PARN: variants seen among roughly 807,000 people sequenced by gnomAD.
PARN encodes the protein poly(A)-specific ribonuclease PARN.
PARN carries 71 observed loss-of-function variants against 102.8 expected under a neutral mutation model. That is an observed-to-expected ratio of 0.69 (90% confidence interval 0.57 to 0.84). PARN has a LOEUF of 0.84. Among genes scored for constraint, PARN ranks in the 40% least tolerant of loss-of-function variants. PARN has a pLI of 0.00. For missense variants in PARN, 782 were observed against 760.9 expected, an observed-to-expected ratio of 1.03 and a Z score of -0.33; for synonymous variants, 261 against 252.9, an observed-to-expected ratio of 1.03 and a Z score of -0.30.
At chr16:14,612,179 C>A (rs1427824894) in intron 6 of PARN, among the ~76,000 whole-genome samples, 1 of 152,120 alleles carries the variant, frequency 6.6e-6, no homozygotes, top group Non-Finnish European at 1.5e-5. Context: ...TGGCTCACGC[C>A]TATAATCCAA....
intron 22 of PARN, among the ~76,000 whole-genome samples, chr16:14,481,637 AT>A (rs1322477006): frequency 5.3e-5 from 8 of 152,278 alleles, no homozygotes; most frequent in African/African-American, 1.7e-4. Flanking sequence ...TCATACCTCA[AT>A]TTTTTTAATC....
chr16:14,499,903 G>A (rs1373084018), intron 21 of PARN, among the ~76,000 whole-genome samples: 1 of 152,160 alleles, frequency 6.6e-6, no homozygotes, highest in African/African-American at 2.4e-5. Context: ...ATTATCACAT[G>A]CCAAAGTATT....
chr16:14,555,761 G>T, intron 18 of PARN, 52 bp from the exon 19 acceptor site: 1 of 894,206 alleles, frequency 1.1e-6, no homozygotes, highest in Non-Finnish European at 1.6e-6. Context: ...TAAAAGACAG[G>T]CATTTTGCAT....
At chr16:14,441,656 T>C (rs1483930226) in intron 23 of PARN, among the ~76,000 whole-genome samples, 1 of 152,232 alleles carries the variant, frequency 6.6e-6, no homozygotes, top group Non-Finnish European at 1.5e-5. Context: ...AGGGCACAAA[T>C]GCGCACTGAG....
At chr16:14,589,860 C>T (rs1467006267) in intron 13 of PARN, among the ~76,000 whole-genome samples, 1 of 150,986 alleles carries the variant, frequency 6.6e-6, no homozygotes, top group Non-Finnish European at 1.5e-5. Flanking sequence ...GAGTAAGACT[C>T]CATCTCAAAA....
At chr16:14,548,902 C>T (rs958377808) in intron 21 of PARN, among the ~76,000 whole-genome samples, 1 of 149,376 alleles carries the variant, frequency 6.7e-6, no homozygotes, top group African/African-American at 2.5e-5. Flanking sequence ...TGCAGTGAGT[C>T]GAGTTTGTGC....
chr16:14,566,228 G>A (rs1432871239), intron 18 of PARN, among the ~76,000 whole-genome samples: 1 of 152,172 alleles, frequency 6.6e-6, no homozygotes, highest in African/African-American at 2.4e-5. Context: ...GATAATATCT[G>A]GGATTGATGA....
At chr16:14,536,810 A>T (rs1163437542) in intron 21 of PARN, among the ~76,000 whole-genome samples, 1 of 152,224 alleles carries the variant, frequency 6.6e-6, no homozygotes, top group Non-Finnish European at 1.5e-5. Context: ...AGTATTAAAA[A>T]TGTTAAACAT....
At chr16:14,627,684 T>A (rs1000579163) in intron 3 of PARN, among the ~76,000 whole-genome samples, 16 of 152,230 alleles carry the variant, frequency 1.1e-4, no homozygotes, top group African/African-American at 3.9e-4. Flanking sequence ...CTGTTTTAAA[T>A]ATCATTAAAA....
intron 18 of PARN, chr16:14,578,640 G>A (rs148512220): frequency 2.1e-4 from 32 of 151,170 alleles, no homozygotes; most frequent in African/African-American, 7.8e-4. Flanking sequence ...TGGGCAACAA[G>A]AGTGAAACAA....
Position 14,446,902 on chromosome 16 carries a change from T to G in PARN, c.1850A>C (p.Glu617Ala), listed in dbSNP as rs1340012887. The G allele has an allele frequency of 6.2e-7, 1 of 1,612,438 alleles. No individual in the cohort carries two copies. The highest frequency in any genetic ancestry group is 1.7e-5 in the Admixed American group (1 of 59,822). ...KAKKLKRMKKELSPAGSISKN... is the reference protein window; with the variant it reads ...KAKKLKRMKKALSPAGSISKN... The stretch of plus-strand genomic sequence containing the variant: ...CCAATACAAACCTGCTGGAGAAAGC[T>G]CCTTCTTCATTCTTTTTAATTTCTT... The change falls in exon 23 of 24, where the codon GAG becomes GCG. Residue 617 changes from glutamate to alanine, a missense_variant. Glu to Ala is a moderately radical substitution (Grantham distance 107, BLOSUM62 -1). Coordinates refer to ENST00000437198, the MANE Select transcript of PARN (RefSeq NM_002582.4).
chr16:14,593,492 TAAAAAAAAAA>T (rs35329440), intron 12 of PARN, 114 bp from the exon 13 acceptor site: 921 of 31,846 alleles, frequency 0.029, 8 homozygotes, highest in Admixed American at 0.065. Context: ...TTTCCAGACT[TAAAAAAAAAA>T]AAAAAAAAAA....
chr16:14,585,439 G>C (rs1969792437), intron 14 of PARN, among the ~76,000 whole-genome samples: 1 of 145,680 alleles, frequency 6.9e-6, no homozygotes, highest in Non-Finnish European at 1.5e-5. Context: ...AGCTGAAAGA[G>C]AAACTGCTCG....
At chr16:14,488,193 A>G (rs1484124370) in intron 21 of PARN, among the ~76,000 whole-genome samples, 2 of 151,926 alleles carry the variant, frequency 1.3e-5, no homozygotes, top group Non-Finnish European at 2.9e-5. Context: ...ATGGGGGGGA[A>G]AAAAAAAGAA....
At chr16:14,489,734 T>G (rs184653440) in intron 21 of PARN, among the ~76,000 whole-genome samples, 21 of 152,320 alleles carry the variant, frequency 1.4e-4, no homozygotes, top group Admixed American at 2.6e-4. Context: ...AGCAACTGTT[T>G]GTGGGTGGGG....
At chr16:14,597,096 C>G (rs1033687510) in intron 12 of PARN, among the ~76,000 whole-genome samples, 2 of 151,808 alleles carry the variant, frequency 1.3e-5, no homozygotes, top group Non-Finnish European at 2.9e-5. Context: ...CCATTTTTTT[C>G]TTTATAGAAG....
At position 14,604,179 on chromosome 16, in the gene PARN, T is replaced by C; in HGVS notation, c.750A>G (p.Lys250=). The C allele has an allele frequency of 2.5e-6, 4 of 1,602,642 alleles. No homozygotes were observed. Among genetic ancestry groups the C allele is most frequent in the Non-Finnish European group, 2.6e-6 (3 of 1,173,110 alleles). Residue 250 remains lysine (K), a synonymous_variant, in exon 11 of 24, where the codon AAA becomes AAG. Transcript: ENST00000437198. The stretch of plus-strand genomic sequence containing the variant: ...TGGCATGTTTCTGCTGCTCTCTTCT[T>C]TTGCGTTCTTCTTCATCTACTTTGC... The part of the protein sequence containing the change: ...VISKVDEEER[K]RREQQKHAKE...
chr16:14,450,518 A>G (rs1278959518), intron 22 of PARN, among the ~76,000 whole-genome samples: 1 of 152,134 alleles, frequency 6.6e-6, no homozygotes, highest in African/African-American at 2.4e-5. Context: ...ATATTTATGT[A>G]TACACACACA....
chr16:14,531,775 T>A (rs1486726929), intron 21 of PARN, among the ~76,000 whole-genome samples: 2 of 152,166 alleles, frequency 1.3e-5, no homozygotes. Flanking sequence ...GTTGACCAAC[T>A]TCGTACTCAA....
Sources: allele counts gnomAD v4.1 joint callset (sites outside exome capture counted in the v4.1 genomes callset), GRCh38; gene constraint gnomAD v4.1.1; transcripts MANE v1.5; gene names NCBI Gene and HGNC (gene_info 2026-07-23, HGNC 2026-07-21).